Variants in PLBD1 observed in about 807,000 individuals in gnomAD.
The protein encoded by PLBD1 is lysosomal leucine aminopeptidase.
A neutral mutation model predicts 63.0 loss-of-function variants in PLBD1; 60 were observed. The ratio of observed to expected loss-of-function variants is 0.95; its 90% CI spans 0.77 to 1.18. The LOEUF (loss-of-function observed/expected upper bound fraction) is 1.18, where lower values mean the gene tolerates loss of function less well. PLBD1 is among the 50% of genes most tolerant of loss of function. PLBD1 has a pLI of 0.00. For synonymous variants in PLBD1, 262 were observed against 248.0 expected, an observed-to-expected ratio of 1.06 and a Z score of -0.53; for missense variants, 598 against 677.9, an observed-to-expected ratio of 0.88 and a Z score of 1.31.
intron 1 of PLBD1, among the ~76,000 whole-genome samples, chr12:14,562,451 C>T (rs575850237): frequency 9.6e-6 from 1 of 104,508 alleles, no homozygotes; most frequent in African/African-American, 3.6e-5. Flanking sequence ...CAGAGTGAGA[C>T]TCCCTCTCAA....
chr12:14,523,175 C>G (rs1391399531), intron 6 of PLBD1, among the ~76,000 whole-genome samples: 1 of 151,924 alleles, frequency 6.6e-6, no homozygotes, highest in South Asian at 2.1e-4. Context: ...GATATAAAAT[C>G]AATATACAAA....
At chr12:14,534,271 T>C (rs956842680) in intron 6 of PLBD1, among the ~76,000 whole-genome samples, 3 of 152,194 alleles carry the variant, frequency 2.0e-5, no homozygotes, top group Non-Finnish European at 4.4e-5. Flanking sequence ...GTCAAACTGG[T>C]TACAGTGTAT....
At chr12:14,543,459 T>C (rs7136465) in intron 2 of PLBD1, among the ~76,000 whole-genome samples, 148,445 of 152,274 alleles carry the variant, frequency 0.97, 72,420 homozygotes, top group East Asian at 1. Context: ...TGGTTCACAC[T>C]TGTAATCCCA....
At chr12:14,521,880 T>G (rs1945379657) in intron 6 of PLBD1, among the ~76,000 whole-genome samples, 1 of 151,874 alleles carries the variant, frequency 6.6e-6, no homozygotes, top group Admixed American at 6.6e-5. Flanking sequence ...TTCAAGATAA[T>G]ATAGATAGGC....
chr12:14,510,403 A>T lies in PLBD1; in HGVS notation c.1186+857T>A, dbSNP rs113033187. ...AGCGACACTCCATCTGAAGAAAAAT[A>T]AAAATTAAAATTAAAAACCACTAAA... is the stretch of plus-strand genomic sequence containing the variant. On this transcript the variant is annotated intron_variant, in intron 8 of 10. Transcript: ENST00000240617. Among the ~76,000 whole-genome samples, 1,086 of 152,328 alleles carry T rather than the reference A, an allele frequency of 7.1e-3. 5 individuals carry two copies. Among genetic ancestry groups the T allele is most frequent in the African/African-American group, 0.024 (1,017 of 41,568 alleles).
At chr12:14,514,375 A>G (rs1192131998) in intron 6 of PLBD1, among the ~76,000 whole-genome samples, 1 of 152,186 alleles carries the variant, frequency 6.6e-6, no homozygotes, top group Non-Finnish European at 1.5e-5. Flanking sequence ...AGAATGCTGT[A>G]TTTCCGGAAT....
At chr12:14,507,669 C>T (rs984555784) in intron 8 of PLBD1, among the ~76,000 whole-genome samples, 8 of 151,784 alleles carry the variant, frequency 5.3e-5, no homozygotes, top group Non-Finnish European at 1.0e-4. Flanking sequence ...TTTTGAAAGA[C>T]GTCAATGGGG....
intron 6 of PLBD1, among the ~76,000 whole-genome samples, chr12:14,522,734 A>G (rs1000200618): frequency 6.6e-6 from 1 of 152,198 alleles, no homozygotes; most frequent in African/African-American, 2.4e-5. Flanking sequence ...ATAATACATC[A>G]TATTAACAGA....
At chr12:14,509,929 T>C (rs1945283769) in intron 8 of PLBD1, among the ~76,000 whole-genome samples, 1 of 152,124 alleles carries the variant, frequency 6.6e-6, no homozygotes, top group Non-Finnish European at 1.5e-5. Flanking sequence ...AATTGTAGAG[T>C]TCCACACTCC....
chr12:14,515,071 C>A lies in PLBD1; in HGVS notation c.845-3360G>T, dbSNP rs1488253963. Among the ~76,000 whole-genome samples the A allele has an allele frequency of 3.9e-5, 6 of 152,078 alleles. No homozygotes were observed. In the East Asian group the frequency reaches 1.2e-3, roughly 29 times the overall value. ...ATCCTATTTCAAGACTTAAAAAAAACACCAAACTGCAGAAATAAACAGTAA... is the reference window on the plus strand; with the variant it reads ...ATCCTATTTCAAGACTTAAAAAAAAAACCAAACTGCAGAAATAAACAGTAA... On this transcript the variant is annotated intron_variant, in intron 6 of 10. Coordinates refer to ENST00000240617, the MANE Select transcript of PLBD1 (RefSeq NM_024829.6).
At chr12:14,525,709 ACACACG>A (rs763075419) in intron 6 of PLBD1, among the ~76,000 whole-genome samples, 1 of 45,536 alleles carries the variant, frequency 2.2e-5, no homozygotes, top group African/African-American at 7.8e-5. Flanking sequence ...ACACACACAC[ACACACG>A]CACACACACA....
intron 6 of PLBD1, among the ~76,000 whole-genome samples, chr12:14,531,842 A>C (rs1300116081): frequency 2.6e-5 from 4 of 152,100 alleles, no homozygotes; most frequent in Non-Finnish European, 4.4e-5. Context: ...CATGTTGCCC[A>C]GGTCTCAAAC....
At chr12:14,512,299 C>T (rs910898947) in intron 6 of PLBD1, among the ~76,000 whole-genome samples, 2 of 151,920 alleles carry the variant, frequency 1.3e-5, no homozygotes, top group African/African-American at 4.8e-5. Context: ...CAGGTGTGCA[C>T]CACCACACCT....
At chr12:14,534,513 T>C (rs1246481677) in intron 6 of PLBD1, among the ~76,000 whole-genome samples, 1 of 151,962 alleles carries the variant, frequency 6.6e-6, no homozygotes, top group Non-Finnish European at 1.5e-5. Flanking sequence ...ATATGTTTGC[T>C]ACCATTGTTT....
At chr12:14,558,963 G>C (rs1008448726) in intron 1 of PLBD1, among the ~76,000 whole-genome samples, 1 of 152,178 alleles carries the variant, frequency 6.6e-6, no homozygotes, top group African/African-American at 2.4e-5. Context: ...GCCAAAATCA[G>C]AGTTTTCACT....
At chr12:14,544,984 G>A (rs1945606218) in intron 2 of PLBD1, among the ~76,000 whole-genome samples, 1 of 152,036 alleles carries the variant, frequency 6.6e-6, no homozygotes, top group African/African-American at 2.4e-5. Flanking sequence ...ACTTTGGTGT[G>A]TAGGCATTTT....
chr12:14,547,560 A>C (rs1216744739), intron 2 of PLBD1, among the ~76,000 whole-genome samples: 1 of 152,116 alleles, frequency 6.6e-6, no homozygotes, highest in East Asian at 1.9e-4. Context: ...ACTAGCGTCA[A>C]CCTCATGGAT....
At chr12:14,536,935 A>G (rs916119859) in intron 4 of PLBD1, among the ~76,000 whole-genome samples, 2 of 151,980 alleles carry the variant, frequency 1.3e-5, no homozygotes, top group African/African-American at 4.8e-5. Context: ...CTGAAAATAC[A>G]AAAATTAGTT....
rs1945804716 is a variant in PLBD1, at chr12:14,567,627, GCA to G, written c.68_69del (p.Leu23ProfsTer28). The G allele has an allele frequency of 2.0e-6, 3 of 1,492,622 alleles. No homozygotes were observed. The highest frequency in any genetic ancestry group is 2.2e-5 in the Admixed American group (1 of 45,388). 92.5% of individuals were successfully genotyped at this position (1,492,622 alleles called of 1,614,324 possible). A position where few individuals can be genotyped will look rare whatever the true frequency, so the allele number is the denominator to read the frequency against. Reference protein sequence around the residue: ...PQPPPLLLLLLLLPLLLVTAE... With the variant: ...PQPPPLLLLLXLLPLLLVTAE... ...GCGGTGACTAACAACAGCGGCAGCA[GCA>G]GCAGCAGCAGCAGAAGCGGTGGCGG... On this transcript the variant is annotated frameshift_variant, in exon 1 of 11. Coordinates refer to ENST00000240617, the MANE Select transcript of PLBD1 (RefSeq NM_024829.6). LOFTEE classifies it high-confidence loss of function.
Sources: allele counts gnomAD v4.1 joint callset (sites outside exome capture counted in the v4.1 genomes callset), GRCh38; gene constraint gnomAD v4.1.1; transcripts MANE v1.5; gene names NCBI Gene and HGNC (gene_info 2026-07-23, HGNC 2026-07-21).